ZNF639: variants seen among roughly 807,000 people sequenced by gnomAD.
The protein encoded by ZNF639 is zinc finger amplified in esophageal squamous cell carcinomas 1.
In ZNF639, 20 loss-of-function variants were observed where a neutral mutation model predicts 39.8. The ratio of observed to expected loss-of-function variants is 0.50; its 90% confidence interval spans 0.35 to 0.73. The LOEUF is 0.73. ZNF639 is among the 30% of genes least tolerant of loss of function. The pLI, the probability that ZNF639 is intolerant of heterozygous loss-of-function variation, is 0.00. For missense variants in ZNF639, 477 were observed against 566.2 expected, an observed-to-expected ratio of 0.84 and a Z score of 1.60; for synonymous variants, 176 against 189.8, an observed-to-expected ratio of 0.93 and a Z score of 0.60.
rs1711503938 is a variant in ZNF639 at position 179,335,502 on chromosome 3, A to G, written c.*1080A>G. On this transcript the variant is annotated 3_prime_UTR_variant, in exon 6 of 6. Coordinates refer to ENST00000496856, the MANE Select transcript of ZNF639 (RefSeq NM_001303426.2). ...TTGCTGGCATGAAAATGTATAACTTACAACATTTATTAATAAAATGATAAA... is the reference window on the plus strand; with the variant it reads ...TTGCTGGCATGAAAATGTATAACTTGCAACATTTATTAATAAAATGATAAA... 2 of 152,260 alleles carry G rather than the reference A, an allele frequency of 1.3e-5. No homozygotes were observed. Among genetic ancestry groups the G allele is most frequent in the African/African-American group, 4.8e-5 (2 of 41,470 alleles). The allele number at this position is 152,260 out of a possible 1,614,324, so 9.4% of individuals were successfully genotyped here.
intron 1 of ZNF639, among the ~76,000 whole-genome samples, chr3:179,326,610 T>A (rs1202921746): frequency 6.6e-6 from 1 of 152,022 alleles, no homozygotes; most frequent in Non-Finnish European, 1.5e-5. Context: ...TTTACTTTTT[T>A]CTTTTTTTGT....
chr3:179,333,194 A>T lies in ZNF639; in HGVS notation c.304+71A>T. The T allele has an allele frequency of 4.5e-6, 7 of 1,554,412 alleles. No homozygotes were observed. In the Admixed American group the frequency reaches 6.4e-5, roughly 14 times the overall value. On this transcript the variant is annotated intron_variant, in intron 5 of 5. Transcript: ENST00000496856. Reference sequence around the variant, plus strand: ...ATTTTAAAAAAAGTGCATGCAATAAATTTTTTTTTGCCCAGTTGTATTTAA... The same window carrying T: ...ATTTTAAAAAAAGTGCATGCAATAATTTTTTTTTTGCCCAGTTGTATTTAA...
chr3:179,323,961 G>A (rs1445364355), intron 1 of ZNF639: 1 of 152,214 alleles, frequency 6.6e-6, no homozygotes, highest in African/African-American at 2.4e-5. Context: ...ATGCCGGACT[G>A]AAAAATAGCG....
chr3:179,327,128 T>C (rs1727640962), intron 1 of ZNF639, among the ~76,000 whole-genome samples: 1 of 152,022 alleles, frequency 6.6e-6, no homozygotes. Context: ...AGGCAGAGGT[T>C]GCAGTGAGCT....
In ZNF639 at chr3:179,323,044, C is replaced by G; in HGVS notation, c.-330C>G. ...CGGCGGGCCCCTGAGGTGCGCGGCGCAGGCGCGGAGCGTGGCGGCCAGGGC... is the reference window on the plus strand; with the variant it reads ...CGGCGGGCCCCTGAGGTGCGCGGCGGAGGCGCGGAGCGTGGCGGCCAGGGC... On this transcript the variant is annotated 5_prime_UTR_variant, in exon 1 of 6. Transcript: ENST00000496856. The G allele has an allele frequency of 3.0e-6, 3 of 985,092 alleles. No individual in the cohort carries two copies. Among genetic ancestry groups the G allele is most frequent in the South Asian group, 4.7e-5 (1 of 21,298 alleles). 61.0% of individuals were successfully genotyped at this position (985,092 alleles called of 1,614,324 possible).
At chr3:179,332,548 T>A (rs748303686) in intron 4 of ZNF639, among the ~76,000 whole-genome samples, 132 of 152,016 alleles carry the variant, frequency 8.7e-4, no homozygotes, top group Admixed American at 1.8e-3. Flanking sequence ...AGCCCAGGAG[T>A]TTGAGGCTGC....
At position 179,334,060 on chromosome 3, in the gene ZNF639, A is replaced by T; in HGVS notation, c.1096A>T (p.Thr366Ser). 1 of 1,613,714 alleles carries T rather than the reference A, an allele frequency of 6.2e-7. No homozygotes were observed. The highest frequency in any genetic ancestry group is 8.5e-7 in the Non-Finnish European group (1 of 1,179,812). ...ACAGTATAGCCTCTTAAGCAAAATT[A>T]CCTTTGACAAATGTAAAAACTTCTT... ...HGQYSLLSKI[T>S]FDKCKNFFVC... Residue 366 changes from threonine (T) to serine (S), a missense_variant, in exon 6 of 6, where the codon ACC (threonine) becomes TCC (serine). By Grantham distance (58) the Thr-to-Ser change is moderately conservative. Coordinates refer to ENST00000496856, the MANE Select transcript of ZNF639 (RefSeq NM_001303426.2).
chr3:179,322,985 G>T (rs981188861), upstream of ZNF639: 3 of 985,204 alleles, frequency 3.0e-6, no homozygotes, highest in South Asian at 9.4e-5. Flanking sequence ...CCCGCTCCCT[G>T]CCCCCACCTC....
At chr3:179,325,805 C>G (rs1389108396) in intron 1 of ZNF639, among the ~76,000 whole-genome samples, 1 of 151,952 alleles carries the variant, frequency 6.6e-6, no homozygotes, top group Non-Finnish European at 1.5e-5. Context: ...GGCATGAACC[C>G]GGGAGGCGGA....
chr3:179,323,043 G>A lies in ZNF639; in HGVS notation c.-331G>A. On this transcript the variant is annotated 5_prime_UTR_variant, in exon 1 of 6. Transcript: ENST00000496856. ...TCGGCGGGCCCCTGAGGTGCGCGGC[G>A]CAGGCGCGGAGCGTGGCGGCCAGGG... 3.0e-6 allele frequency: 3 copies of A among 985,060 alleles called. No homozygotes were observed. Among genetic ancestry groups the A allele is most frequent in the Non-Finnish European group, 3.6e-6 (3 of 829,956 alleles). The allele number at this position is 985,060 out of a possible 1,614,324, so 61.0% of individuals were successfully genotyped here. A position where few individuals can be genotyped will look rare whatever the true frequency, so the allele number is the denominator to read the frequency against.
intron 1 of ZNF639, among the ~76,000 whole-genome samples, chr3:179,326,229 C>CT (rs1412969467): frequency 1.3e-5 from 2 of 152,032 alleles, no homozygotes; most frequent in African/African-American, 2.4e-5. Context: ...CTCCTGCTGG[C>CT]GGGCGCCCGT....
At chr3:179,326,016 CAT>C (rs1727571899) in intron 1 of ZNF639, among the ~76,000 whole-genome samples, 1 of 151,634 alleles carries the variant, frequency 6.6e-6, no homozygotes, top group Non-Finnish European at 1.5e-5. Flanking sequence ...GAACACCTGT[CAT>C]GTGTATCACC....
At chr3:179,331,428 C>G (rs1727899111) in intron 4 of ZNF639, among the ~76,000 whole-genome samples, 1 of 152,126 alleles carries the variant, frequency 6.6e-6, no homozygotes, top group Admixed American at 6.5e-5. Context: ...GTCTGCACTC[C>G]TTAAGCATGG....
rs35803406 is a variant in ZNF639 at position 179,336,331 on chromosome 3, C to CA, written c.*1910dup. 10 of 151,770 alleles carry CA rather than the reference C, an allele frequency of 6.6e-5. No homozygotes were observed. The East Asian group carries it at 1.9e-3, about 29-fold the overall frequency. 9.4% of individuals were successfully genotyped at this position (151,770 alleles called of 1,614,324 possible). On this transcript the variant is annotated 3_prime_UTR_variant, in exon 6 of 6. Coordinates refer to ENST00000496856, the MANE Select transcript of ZNF639 (RefSeq NM_001303426.2). Reference sequence around the variant, plus strand: ...CCTCAAATTTAACAAGCACTGCTAACATTATTTTTTAGGTTTATTGATATA... The same window carrying CA: ...CCTCAAATTTAACAAGCACTGCTAACAATTATTTTTTAGGTTTATTGATATA...
At chr3:179,324,455 T>C (rs912786226) in intron 1 of ZNF639, among the ~76,000 whole-genome samples, 1 of 152,228 alleles carries the variant, frequency 6.6e-6, no homozygotes, top group Admixed American at 6.5e-5. Context: ...TTCAGAATCT[T>C]CCTGCTAAGA....
At chr3:179,325,803 C>A (rs904853538) in intron 1 of ZNF639, among the ~76,000 whole-genome samples, 2 of 151,920 alleles carry the variant, frequency 1.3e-5, no homozygotes, top group Non-Finnish European at 2.9e-5. Flanking sequence ...ATGGCATGAA[C>A]CCGGGAGGCG....
At chr3:179,328,002 T>G (rs1727693072) in intron 2 of ZNF639, 2 of 247,650 alleles carry the variant, frequency 8.1e-6, no homozygotes, top group South Asian at 1.2e-4. Flanking sequence ...AAACATGTGG[T>G]TTATTGTAAT....
intron 4 of ZNF639, among the ~76,000 whole-genome samples, chr3:179,331,966 A>T (rs111878167): frequency 8.6e-5 from 13 of 151,976 alleles, no homozygotes; most frequent in African/African-American, 2.2e-4. Context: ...TAATCATTTT[A>T]AAAAAAAGAA....
At chr3:179,326,604 C>G (rs1727605632) in intron 1 of ZNF639, among the ~76,000 whole-genome samples, 1 of 151,842 alleles carries the variant, frequency 6.6e-6, no homozygotes, top group African/African-American at 2.4e-5. Flanking sequence ...ATCACTTTTA[C>G]TTTTTTCTTT....
Sources: gnomAD v4.1 joint callset for allele counts (sites outside exome capture counted in the v4.1 genomes callset) on GRCh38, gnomAD v4.1.1 for gene constraint, MANE v1.5 for transcripts, NCBI Gene and HGNC (gene_info 2026-07-23, HGNC 2026-07-21) for gene names.